PHKB: variants seen among roughly 807,000 people sequenced by gnomAD.
PHKB encodes phosphorylase kinase regulatory subunit beta, also known as phosphorylase b kinase regulatory subunit beta.
In PHKB, 122 loss-of-function variants were observed where a neutral mutation model predicts 152.1. That is an observed-to-expected ratio of 0.80 (90% CI 0.69 to 0.93). PHKB has a LOEUF of 0.93. Among genes scored for constraint, PHKB ranks in the 40% least tolerant of loss-of-function variants. The pLI is 0.00. For synonymous variants in PHKB, 436 were observed against 464.9 expected (o/e 0.94, Z 0.80); for missense variants, 1,304 against 1,328.4 (o/e 0.98, Z 0.29).
At chr16:47,638,575 T>C (rs1021389309) in intron 14 of PHKB, among the ~76,000 whole-genome samples, 5 of 152,224 alleles carry the variant, frequency 3.3e-5, no homozygotes, top group Non-Finnish European at 4.4e-5. Context: ...CAGTATATCA[T>C]GTCCTTCAGT....
rs562094956 is a variant in PHKB at position 47,636,659 on chromosome 16, G to T, written c.1459-4376G>T. Among the ~76,000 whole-genome samples, 9 of 152,348 alleles carry T rather than the reference G, an allele frequency of 5.9e-5. No homozygotes were observed. The East Asian group carries it at 1.2e-3, about 20-fold the overall frequency. ...AGTGTTGACATGCCATCCCCCTGCT[G>T]CCTCAGCCCCCTCTGGGCTTTGAGC... On this transcript the variant is annotated intron_variant, in intron 14 of 30. Coordinates refer to ENST00000323584, the MANE Select transcript of PHKB (RefSeq NM_000293.3).
intron 14 of PHKB, among the ~76,000 whole-genome samples, chr16:47,612,474 C>T (rs952496711): frequency 6.6e-6 from 1 of 152,176 alleles, no homozygotes; most frequent in Non-Finnish European, 1.5e-5. Context: ...ACTTGCAACT[C>T]TTTCTCTCCT....
intron 14 of PHKB, chr16:47,619,304 T>G (rs1157179643): frequency 1.3e-5 from 2 of 152,182 alleles, no homozygotes; most frequent in Non-Finnish European, 2.9e-5. Flanking sequence ...AGAAATAGCT[T>G]GTTCTTGAAC....
rs1276939954 is a variant in PHKB, at chr16:47,581,433, G to A, written c.774+1075G>A. ...AATAGATAGACAGACAGGAGTAGGA[G>A]GATAAAATGACTTTAAAGAATGGCA... On this transcript the variant is annotated intron_variant, in intron 8 of 30. Coordinates refer to ENST00000323584, the MANE Select transcript of PHKB (RefSeq NM_000293.3). 2.6e-5 allele frequency among the ~76,000 whole-genome samples: 4 copies of A among 152,092 alleles called. No individual in the cohort carries two copies. The East Asian group carries it at 7.7e-4, about 29-fold the overall frequency.
chr16:47,630,192 A>T (rs1972801101), intron 14 of PHKB, among the ~76,000 whole-genome samples: 1 of 152,082 alleles, frequency 6.6e-6, no homozygotes, highest in African/African-American at 2.4e-5. Flanking sequence ...AGAACTAAAG[A>T]ATTATATTCT....
chr16:47,503,392 A>AT (rs1567282232), intron 4 of PHKB, among the ~76,000 whole-genome samples: 1 of 152,210 alleles, frequency 6.6e-6, no homozygotes, highest in African/African-American at 2.4e-5. Flanking sequence ...AATATCGATA[A>AT]TTCTAACCAA....
chr16:47,575,309 T>G (rs1465495519), intron 7 of PHKB, among the ~76,000 whole-genome samples: 2 of 152,178 alleles, frequency 1.3e-5, no homozygotes, highest in Non-Finnish European at 2.9e-5. Flanking sequence ...TCGAATAACT[T>G]AAAATAGCAC....
At chr16:47,663,574 A>ACTC (rs1311026753) in intron 23 of PHKB, 103 bp from the exon 24 acceptor site, 1 of 878,492 alleles carries the variant, frequency 1.1e-6, no homozygotes, top group African/African-American at 1.7e-5. Context: ...CGATGTATCA[A>ACTC]CTCTAGTGAA....
chr16:47,544,494 T>A (rs1010824991), intron 6 of PHKB, among the ~76,000 whole-genome samples: 1 of 152,128 alleles, frequency 6.6e-6, no homozygotes, highest in Non-Finnish European at 1.5e-5. Flanking sequence ...TGCTGAGGAG[T>A]GCTTTACTTC....
intron 9 of PHKB, among the ~76,000 whole-genome samples, chr16:47,588,245 A>G (rs1971967771): frequency 6.6e-6 from 1 of 151,774 alleles, no homozygotes; most frequent in African/African-American, 2.4e-5. Context: ...AAACACCCAA[A>G]GTGGAATAAT....
At chr16:47,554,746 C>T (rs1971338542) in intron 7 of PHKB, among the ~76,000 whole-genome samples, 1 of 152,170 alleles carries the variant, frequency 6.6e-6, no homozygotes, top group South Asian at 2.1e-4. Flanking sequence ...CATAGTCCCT[C>T]ACCGCTTCCT....
intron 16 of PHKB, among the ~76,000 whole-genome samples, chr16:47,644,530 G>C (rs1407991552): frequency 6.6e-6 from 1 of 152,110 alleles, no homozygotes; most frequent in Non-Finnish European, 1.5e-5. Context: ...CACTAATTTT[G>C]TATACAATGA....
intron 1 of PHKB, among the ~76,000 whole-genome samples, chr16:47,493,874 A>G (rs1597028480): frequency 2.6e-5 from 4 of 152,250 alleles, no homozygotes; most frequent in African/African-American, 9.6e-5. Context: ...GTAGTTCAAA[A>G]TAAAACCTTA....
chr16:47,522,961 ATTTTTT>A (rs375826369), intron 6 of PHKB, among the ~76,000 whole-genome samples: 1 of 122,504 alleles, frequency 8.2e-6, no homozygotes, highest in Non-Finnish European at 1.8e-5. Flanking sequence ...TTTCAAGTCA[ATTTTTT>A]TTTTTTTTTT....
chr16:47,608,448 C>T (rs772049483), intron 13 of PHKB, among the ~76,000 whole-genome samples: 98 of 152,292 alleles, frequency 6.4e-4, no homozygotes, highest in Non-Finnish European at 1.2e-3. Flanking sequence ...TTTGGCTGGG[C>T]ATGGTGGCTC....
chr16:47,684,548 C>T (rs566740303), intron 26 of PHKB, among the ~76,000 whole-genome samples: 6 of 152,194 alleles, frequency 3.9e-5, no homozygotes, highest in African/African-American at 1.2e-4. Flanking sequence ...AGGCGGATCA[C>T]GAGGTCAGGA....
At chr16:47,622,095 G>A (rs995288329) in intron 14 of PHKB, among the ~76,000 whole-genome samples, 1 of 151,666 alleles carries the variant, frequency 6.6e-6, no homozygotes, top group Non-Finnish European at 1.5e-5. Context: ...ATAGAAGTAA[G>A]AAAGCAAGAT....
At chr16:47,684,400 G>A (rs1335401033) in intron 26 of PHKB, among the ~76,000 whole-genome samples, 1 of 152,102 alleles carries the variant, frequency 6.6e-6, no homozygotes, top group South Asian at 2.1e-4. Context: ...ATTTCATATT[G>A]TACTCCTTAA....
At chr16:47,510,978 G>A (rs1970500563) in intron 4 of PHKB, among the ~76,000 whole-genome samples, 1 of 152,128 alleles carries the variant, frequency 6.6e-6, no homozygotes, top group Non-Finnish European at 1.5e-5. Context: ...TTGCCATGTT[G>A]AATTGAACAG....
Sources: allele counts gnomAD v4.1 joint callset (sites outside exome capture counted in the v4.1 genomes callset), GRCh38; gene constraint gnomAD v4.1.1; transcripts MANE v1.5; gene names NCBI Gene and HGNC (gene_info 2026-07-23, HGNC 2026-07-21).